The following MID1 variants were observed in gnomAD, a reference collection of about 807,000 sequenced individuals.
The protein encoded by MID1 is midline 1.
Under a neutral mutation model 40.4 loss-of-function variants are expected in MID1, and 7 were observed. The observed-to-expected ratio is 0.17, with a 90% CI of 0.10 to 0.33. MID1 has a LOEUF of 0.33. Among genes scored for constraint, MID1 ranks in the 10% least tolerant of loss-of-function variants. The pLI is 1.00. For missense variants in MID1, 367 were observed against 558.5 expected (o/e 0.66, Z 3.46); for synonymous variants, 229 against 221.2 (o/e 1.04, Z -0.31).
At chrX:10,572,141 TTCTC>T (rs1193315644) in intron 1 of MID1, among the ~76,000 whole-genome samples, 36 of 92,604 alleles carry the variant, frequency 3.9e-4, no homozygotes, top group African/African-American at 1.1e-3. Context: ...CTCTCTCCCT[TTCTC>T]TCTCTCTTTC....
chrX:10,776,122 C>T (rs1483339366), intron 1 of MID1, among the ~76,000 whole-genome samples: 1 of 112,168 alleles, frequency 8.9e-6, no homozygotes, highest in Non-Finnish European at 1.9e-5. Flanking sequence ...AAAATCATAA[C>T]CATAAATTGC....
chrX:10,492,071 C>T (rs1219200307), intron 4 of MID1, among the ~76,000 whole-genome samples: 1 of 111,646 alleles, frequency 9.0e-6, no homozygotes, highest in African/African-American at 3.3e-5. Flanking sequence ...TAATTTGTTG[C>T]TTTCCTATCT....
chrX:10,655,568 C>G (rs184260687), intron 1 of MID1, among the ~76,000 whole-genome samples: 2 of 110,948 alleles, frequency 1.8e-5, no homozygotes, highest in East Asian at 5.7e-4. Flanking sequence ...GCTTCAAATG[C>G]CCTCTGATAG....
chrX:10,469,057 A>T (rs768638494), intron 7 of MID1, among the ~76,000 whole-genome samples: 1 of 111,194 alleles, frequency 9.0e-6, no homozygotes, highest in Non-Finnish European at 1.9e-5. Flanking sequence ...TCCTGGAGGT[A>T]GCCATCATCC....
intron 1 of MID1, among the ~76,000 whole-genome samples, chrX:10,700,795 A>G (rs1445423697): frequency 1.8e-5 from 2 of 112,127 alleles, no homozygotes; most frequent in Non-Finnish European, 3.8e-5. Context: ...CTCCTACTCT[A>G]TGATGATGTG....
intron 3 of MID1, among the ~76,000 whole-genome samples, chrX:10,503,535 C>T (rs1038579357): frequency 6.3e-5 from 7 of 111,984 alleles, no homozygotes; most frequent in Admixed American, 5.7e-4. Context: ...TTTTAAACTC[C>T]AAGAAAGGCT....
intron 1 of MID1, among the ~76,000 whole-genome samples, chrX:10,714,121 C>T (rs1301189496): frequency 1.8e-5 from 2 of 112,320 alleles, no homozygotes; most frequent in Non-Finnish European, 3.8e-5. Flanking sequence ...TGGAATTTTA[C>T]ACTCTGGCAG....
At chrX:10,643,218 T>C (rs1410394799) in intron 1 of MID1, among the ~76,000 whole-genome samples, 6 of 110,448 alleles carry the variant, frequency 5.4e-5, no homozygotes, top group Admixed American at 9.6e-5. Context: ...ACCATCAGAG[T>C]GAACAGGCAA....
chrX:10,467,206 A>G (rs1291005192), intron 7 of MID1, among the ~76,000 whole-genome samples: 1 of 112,117 alleles, frequency 8.9e-6, no homozygotes, highest in African/African-American at 3.2e-5. Context: ...CTCAGACATA[A>G]TATTTATTGA....
At chrX:10,739,870 A>T (rs927682014) in intron 1 of MID1, among the ~76,000 whole-genome samples, 3 of 112,353 alleles carry the variant, frequency 2.7e-5, no homozygotes, top group Admixed American at 9.4e-5. Flanking sequence ...TTTTGTGAGC[A>T]TGTAGCCACA....
intron 4 of MID1, among the ~76,000 whole-genome samples, chrX:10,485,688 G>A (rs940327155): frequency 9.0e-6 from 1 of 111,629 alleles, no homozygotes; most frequent in Admixed American, 9.5e-5. Flanking sequence ...CTTGAAATGC[G>A]TTTTAAACAC....
chrX:10,750,956 T>A (rs945058366), intron 1 of MID1, among the ~76,000 whole-genome samples: 4 of 111,497 alleles, frequency 3.6e-5, no homozygotes, highest in African/African-American at 6.5e-5. Context: ...GTTGTTGTGA[T>A]CTTATCAGAA....
chrX:10,668,081 C>A (rs866754406), intron 1 of MID1, among the ~76,000 whole-genome samples: 1 of 111,781 alleles, frequency 8.9e-6, no homozygotes, highest in South Asian at 3.8e-4. Flanking sequence ...ACAGAAACTT[C>A]TTTGCAACCA....
intron 7 of MID1, among the ~76,000 whole-genome samples, chrX:10,465,156 C>A (rs1286930113): frequency 4.3e-5 from 4 of 93,830 alleles, no homozygotes; most frequent in Non-Finnish European, 8.3e-5. Context: ...TGCACTCCAG[C>A]CTGGGCAGCA....
intron 1 of MID1, among the ~76,000 whole-genome samples, chrX:10,651,582 A>C (rs1436424538): frequency 1.8e-5 from 2 of 112,243 alleles, no homozygotes; most frequent in Non-Finnish European, 3.8e-5. Flanking sequence ...TCATCCAATT[A>C]GTCAACTTGT....
At chrX:10,644,743 T>C (rs139076115) in intron 1 of MID1, among the ~76,000 whole-genome samples, 6,639 of 110,787 alleles carry the variant, frequency 0.06, 252 homozygotes, top group African/African-American at 0.14. Flanking sequence ...AAAGTTCCCA[T>C]GATGACAGTC....
At chrX:10,555,069 A>G (rs1279769040) in intron 2 of MID1, among the ~76,000 whole-genome samples, 1 of 112,012 alleles carries the variant, frequency 8.9e-6, no homozygotes, top group African/African-American at 3.2e-5. Flanking sequence ...AGTGGAAATG[A>G]CATAAACTGC....
chrX:10,557,368 T>C (rs1370009763), intron 2 of MID1, among the ~76,000 whole-genome samples: 3 of 111,952 alleles, frequency 2.7e-5, no homozygotes, highest in Middle Eastern at 9.3e-3. Flanking sequence ...AATCATTGTG[T>C]TTACTCCTGA....
Position 10,521,356 on chromosome X carries a change from A to G in MID1, c.756+1736T>C, listed in dbSNP as rs777716691. 5.4e-5 allele frequency among the ~76,000 whole-genome samples: 6 copies of G among 110,804 alleles called. 1 individual carries two copies. The highest frequency in any genetic ancestry group is 1.1e-4 in the Non-Finnish European group (6 of 52,898). The stretch of plus-strand genomic sequence containing the variant: ...ACACGGTATCATAAAATGTTACGTG[A>G]TTCAGAGAAAGGAGCGATGACTCTG... On this transcript the variant is annotated intron_variant, in intron 3 of 9. Coordinates refer to ENST00000317552, the MANE Select transcript of MID1 (RefSeq NM_000381.4).
Sources: gnomAD v4.1 joint callset for allele counts (sites outside exome capture counted in the v4.1 genomes callset) on GRCh38, gnomAD v4.1.1 for gene constraint, MANE v1.5 for transcripts, NCBI Gene and HGNC (gene_info 2026-07-23, HGNC 2026-07-21) for gene names.